Variants in GALNT13 observed in about 807,000 individuals in gnomAD.
GALNT13 encodes polypeptide N-acetylgalactosaminyltransferase 13, also known as UDP-GalNAc:polypeptide N-acetylgalactosaminyltransferase 13.
A neutral mutation model predicts 64.2 loss-of-function variants in GALNT13; 28 were observed. The ratio of observed to expected loss-of-function variants is 0.44; its 90% CI spans 0.32 to 0.60. GALNT13 has a LOEUF of 0.60. Among genes scored for constraint, GALNT13 ranks in the 20% least tolerant of loss-of-function variants. The pLI is 0.05. For synonymous variants in GALNT13, 214 were observed against 224.6 expected, an observed-to-expected ratio of 0.95 and a Z score of 0.42; for missense variants, 577 against 669.8, an observed-to-expected ratio of 0.86 and a Z score of 1.53.
the GALNT13 span, among the ~76,000 whole-genome samples, chr2:153,165,403 C>T: frequency 1.3e-5 from 2 of 152,170 alleles, no homozygotes; most frequent in Non-Finnish European, 2.9e-5. Flanking sequence ...TAAAAACATT[C>T]CTCATAATTC....
At chr2:153,457,966 T>C in the GALNT13 span, among the ~76,000 whole-genome samples, 2 of 152,280 alleles carry the variant, frequency 1.3e-5, no homozygotes, top group Admixed American at 1.3e-4. Flanking sequence ...CCATACAATC[T>C]ATCTTAAAGC....
chr2:153,261,234 G>T, the GALNT13 span, among the ~76,000 whole-genome samples: 2 of 152,088 alleles, frequency 1.3e-5, no homozygotes, highest in Non-Finnish European at 2.9e-5. Context: ...GGGTGAGATT[G>T]TGCTTTCCTG....
chr2:154,334,253 C>T (rs1053935933), intron 9 of GALNT13, among the ~76,000 whole-genome samples: 1 of 151,850 alleles, frequency 6.6e-6, no homozygotes, highest in African/African-American at 2.4e-5. Context: ...TTTTGAAATC[C>T]CATTTTACTA....
intron 9 of GALNT13, among the ~76,000 whole-genome samples, chr2:154,369,140 CAT>C (rs955767876): frequency 1.0e-3 from 151 of 151,064 alleles, no homozygotes; most frequent in African/African-American, 3.6e-3. Flanking sequence ...ATTAGGGAGA[CAT>C]ATAAAAAATT....
intron 3 of GALNT13, among the ~76,000 whole-genome samples, chr2:154,127,978 G>A (rs1201189783): frequency 6.6e-6 from 1 of 151,690 alleles, no homozygotes; most frequent in African/African-American, 2.4e-5. Flanking sequence ...TTTCATATTG[G>A]TTTACAATTC....
At chr2:153,824,769 G>T in the GALNT13 span, among the ~76,000 whole-genome samples, 2 of 152,004 alleles carry the variant, frequency 1.3e-5, no homozygotes, top group African/African-American at 4.8e-5. Flanking sequence ...CCCCTTTAAT[G>T]CTGTTCTCAT....
At chr2:153,129,834 A>G in the GALNT13 span, among the ~76,000 whole-genome samples, 1 of 152,194 alleles carries the variant, frequency 6.6e-6, no homozygotes. Context: ...CCTTCAAAGT[A>G]GAAACTCTAG....
chr2:153,217,322 C>A, the GALNT13 span, among the ~76,000 whole-genome samples: 2 of 151,932 alleles, frequency 1.3e-5, no homozygotes, highest in African/African-American at 4.8e-5. Flanking sequence ...CTTGCCATGA[C>A]TCTTTTTGAT....
chr2:154,002,444 G>C lies in GALNT13; in HGVS notation c.142+57805G>C, dbSNP rs527500901. On this transcript the variant is annotated intron_variant, in intron 3 of 12. Coordinates refer to ENST00000392825, the MANE Select transcript of GALNT13 (RefSeq NM_052917.4). ...TTCTCTTTTGGTCAAGTCTGCTGTTGAAGATTTCTGGTGAGGTTTTTAATT... is the reference window on the plus strand; with the variant it reads ...TTCTCTTTTGGTCAAGTCTGCTGTTCAAGATTTCTGGTGAGGTTTTTAATT... 3.9e-5 allele frequency among the ~76,000 whole-genome samples: 6 copies of C among 151,902 alleles called. No homozygotes were observed. In the East Asian group the frequency reaches 1.2e-3, roughly 29 times the overall value.
the GALNT13 span, among the ~76,000 whole-genome samples, chr2:153,795,247 T>C: frequency 6.6e-6 from 1 of 152,228 alleles, no homozygotes; most frequent in East Asian, 1.9e-4. Context: ...ATTTAAAGCA[T>C]TTAGTTTGAT....
At chr2:154,092,441 G>A (rs1701863000) in intron 3 of GALNT13, among the ~76,000 whole-genome samples, 1 of 151,838 alleles carries the variant, frequency 6.6e-6, no homozygotes, top group South Asian at 2.1e-4. Flanking sequence ...GTTATAATAT[G>A]GATCTTTTGG....
the GALNT13 span, among the ~76,000 whole-genome samples, chr2:153,374,960 T>G: frequency 6.6e-6 from 1 of 152,312 alleles, no homozygotes; most frequent in Non-Finnish European, 1.5e-5. Context: ...GCTTTGTAAA[T>G]AATCCTTTCA....
chr2:153,717,831 G>A, the GALNT13 span, among the ~76,000 whole-genome samples: 13 of 152,298 alleles, frequency 8.5e-5, no homozygotes, highest in African/African-American at 2.9e-4. Context: ...CAACTAGCCA[G>A]AAGTCTTATT....
At chr2:154,333,816 A>T (rs1695295592) in intron 9 of GALNT13, among the ~76,000 whole-genome samples, 2 of 131,276 alleles carry the variant, frequency 1.5e-5, no homozygotes, top group South Asian at 4.9e-4. Context: ...GTTAAGAGAA[A>T]ATGTAGTAGT....
intron 8 of GALNT13, among the ~76,000 whole-genome samples, chr2:154,300,145 G>T (rs1356505013): frequency 8.1e-6 from 1 of 123,536 alleles, no homozygotes; most frequent in African/African-American, 3.0e-5. Flanking sequence ...TTGTCACCCA[G>T]GCTGGAGTGC....
the GALNT13 span, among the ~76,000 whole-genome samples, chr2:153,570,266 C>A: frequency 6.6e-6 from 1 of 152,178 alleles, no homozygotes; most frequent in African/African-American, 2.4e-5. Context: ...AATGTTTATG[C>A]AAATCTTTGC....
the GALNT13 span, among the ~76,000 whole-genome samples, chr2:153,082,338 C>A: frequency 6.6e-6 from 1 of 151,600 alleles, no homozygotes; most frequent in Non-Finnish European, 1.5e-5. Context: ...TCCCCAAAGT[C>A]TATTATATCA....
chr2:153,401,868 G>C, the GALNT13 span, among the ~76,000 whole-genome samples: 1 of 152,126 alleles, frequency 6.6e-6, no homozygotes, highest in Non-Finnish European at 1.5e-5. Flanking sequence ...GATGGGTCTT[G>C]ACTTTTTAAT....
At chr2:153,421,054 TACC>T in the GALNT13 span, 1 of 206,230 alleles carries the variant, frequency 4.8e-6, no homozygotes, top group Admixed American at 5.5e-5. Context: ...GGAACCACAT[TACC>T]ACGGTGTAAT....
Sources: gnomAD v4.1 joint callset for allele counts (sites outside exome capture counted in the v4.1 genomes callset) on GRCh38, gnomAD v4.1.1 for gene constraint, MANE v1.5 for transcripts, NCBI Gene and HGNC (gene_info 2026-07-23, HGNC 2026-07-21) for gene names.